The following LNX2 variants were observed in gnomAD, a reference collection of about 807,000 sequenced individuals.
LNX2 encodes ligand of numb-protein X 2.
Under a neutral mutation model 66.2 loss-of-function variants are expected in LNX2, and 35 were observed. The observed-to-expected ratio is 0.53, with a 90% CI of 0.40 to 0.70. The LOEUF (loss-of-function observed/expected upper bound fraction) is 0.70, where lower values mean the gene tolerates loss of function less well. Ranked by LOEUF, LNX2 falls within the 30% of genes least tolerant of loss-of-function variation. The probability of loss-of-function intolerance (pLI) is 0.00; values close to 1 mark genes in which losing one functional copy is unlikely to be tolerated. For missense variants in LNX2, 791 were observed against 850.8 expected (o/e 0.93, Z 0.87); for synonymous variants, 337 against 315.6 (o/e 1.07, Z -0.72).
Position 27,562,277 on chromosome 13 carries a change from A to G in LNX2, c.1224+136T>C, listed in dbSNP as rs890922622. The G allele has an allele frequency of 1.3e-4, 137 of 1,076,996 alleles. 1 individual carries two copies. The South Asian group carries it at 1.9e-3, about 15-fold the overall frequency. The allele number at this position is 1,076,996 out of a possible 1,614,324, so 66.7% of individuals were successfully genotyped here. On this transcript the variant is annotated intron_variant, in intron 5 of 9. Transcript: ENST00000316334. ...GTTATACTAGTGTGGATTTTAAAGA[A>G]TTCAGGTAGCCACACCCGATTTTCT...
chr13:27,567,601 CA>C, intron 4 of LNX2, 38 bp downstream of exon 4: 1 of 1,574,520 alleles, frequency 6.4e-7, no homozygotes, highest in Admixed American at 1.7e-5. Flanking sequence ...AAGAATGGAA[CA>C]AAAAGGCACA....
chr13:27,581,625 C>A lies in LNX2; in HGVS notation c.79G>T (p.Gly27Cys). ...SSLNPLCFEC[G>C]QQHWTRENHL... Reference sequence around the variant, plus strand: ...TTTTCTCTTGTCCAGTGCTGTTGGCCACATTCAAAACACAGGGGGTTTAGA... The same window carrying A: ...TTTTCTCTTGTCCAGTGCTGTTGGCAACATTCAAAACACAGGGGGTTTAGA... Residue 27 changes from glycine to cysteine, a missense_variant, in exon 2 of 10, where the codon GGC becomes TGC. Gly to Cys is a radical substitution (Grantham distance 159). Transcript: ENST00000316334. The A allele has an allele frequency of 6.2e-7, 1 of 1,614,098 alleles. No homozygotes were observed. Among genetic ancestry groups the A allele is most frequent in the East Asian group, 2.2e-5 (1 of 44,880 alleles).
intron 2 of LNX2, among the ~76,000 whole-genome samples, chr13:27,571,095 A>ACT (rs1377146827): frequency 6.6e-6 from 1 of 152,224 alleles, no homozygotes; most frequent in Non-Finnish European, 1.5e-5. Context: ...AAATTATTTC[A>ACT]CTCAGCATTA....
At chr13:27,588,183 G>A (rs1193564068) in intron 1 of LNX2, among the ~76,000 whole-genome samples, 2 of 152,092 alleles carry the variant, frequency 1.3e-5, no homozygotes, top group Admixed American at 6.6e-5. Flanking sequence ...TCCCAGAGAG[G>A]TGAAAACTTA....
At chr13:27,563,012 C>T (rs1216900319) in intron 4 of LNX2, among the ~76,000 whole-genome samples, 1 of 152,124 alleles carries the variant, frequency 6.6e-6, no homozygotes, top group Non-Finnish European at 1.5e-5. Context: ...TAGCTAGGAT[C>T]ACGGGCTTTA....
chr13:27,554,619 T>C (rs573872744), intron 7 of LNX2, among the ~76,000 whole-genome samples: 169 of 152,358 alleles, frequency 1.1e-3, no homozygotes, highest in African/African-American at 4.0e-3. Context: ...CCACATTCCA[T>C]TGATCCATTC....
In LNX2 at chr13:27,546,072, A is replaced by G. The variant is rs752776283; in HGVS notation, c.*2263T>C. 2 of 152,248 alleles carry G rather than the reference A, an allele frequency of 1.3e-5. No homozygotes were observed. Among genetic ancestry groups the G allele is most frequent in the Admixed American group, 6.5e-5 (1 of 15,280 alleles). The allele number at this position is 152,248 out of a possible 1,614,324, so 9.4% of individuals were successfully genotyped here. A position where few individuals can be genotyped will look rare whatever the true frequency, so the allele number is the denominator to read the frequency against. ...AAAATCCAAATAGTTCTATAGTAAC[A>G]ATAAATTATGAACAAGTTTCCGTCA... is the stretch of plus-strand genomic sequence containing the variant. On this transcript the variant is annotated 3_prime_UTR_variant, in exon 10 of 10. Transcript: ENST00000316334.
chr13:27,594,827 G>GT (rs1955580007), intron 1 of LNX2, among the ~76,000 whole-genome samples: 1 of 152,076 alleles, frequency 6.6e-6, no homozygotes, highest in Admixed American at 6.6e-5. Context: ...CCTCCAGAAT[G>GT]TGGCCTCCCC....
intron 1 of LNX2, among the ~76,000 whole-genome samples, chr13:27,591,471 G>A (rs1448718171): frequency 6.6e-6 from 1 of 152,210 alleles, no homozygotes; most frequent in Admixed American, 6.5e-5. Context: ...GGTTTCACAT[G>A]TTAAGTTGCT....
intron 4 of LNX2, among the ~76,000 whole-genome samples, chr13:27,565,349 C>T (rs1027480444): frequency 6.6e-6 from 1 of 152,106 alleles, no homozygotes; most frequent in African/African-American, 2.4e-5. Flanking sequence ...AATAAGTGTA[C>T]ACTTACATTT....
intron 1 of LNX2, among the ~76,000 whole-genome samples, chr13:27,601,267 A>C (rs1004668653): frequency 1.3e-5 from 2 of 152,206 alleles, no homozygotes; most frequent in Non-Finnish European, 2.9e-5. Context: ...GGTCCATCTA[A>C]TTCCAAAGTC....
chr13:27,573,854 T>A (rs1486930904), intron 2 of LNX2, among the ~76,000 whole-genome samples: 1 of 151,510 alleles, frequency 6.6e-6, no homozygotes, highest in Admixed American at 6.6e-5. Context: ...CACATTATAT[T>A]ATTTAAAATG....
intron 2 of LNX2, among the ~76,000 whole-genome samples, chr13:27,579,021 T>G (rs188527905): frequency 6.6e-6 from 1 of 152,284 alleles, no homozygotes; most frequent in Admixed American, 6.5e-5. Context: ...TTTGGGCAAA[T>G]AAACTGAAAG....
In LNX2 at chr13:27,583,257, C is replaced by G. The variant is rs60116991; in HGVS notation, c.-100-1454G>C. On this transcript the variant is annotated intron_variant, in intron 1 of 9. Coordinates refer to ENST00000316334, the MANE Select transcript of LNX2 (RefSeq NM_153371.4). ...GTGTGTGTGTGTGTGTGTGTGTGTG[C>G]GCGCGTCCTCTCCAACATACTTATT... Among the ~76,000 whole-genome samples the G allele has an allele frequency of 2.2e-4, 6 of 26,700 alleles. 1 individual carries two copies. Among genetic ancestry groups the G allele is most frequent in the African/African-American group, 1.8e-3 (5 of 2,766 alleles). The allele number at this position is 26,700 out of a possible 152,430, so 17.5% of individuals were successfully genotyped here. A position where few individuals can be genotyped will look rare whatever the true frequency, so the allele number is the denominator to read the frequency against.
At chr13:27,562,976 A>G (rs1955156228) in intron 4 of LNX2, among the ~76,000 whole-genome samples, 195 bp from the exon 5 acceptor site, 1 of 152,188 alleles carries the variant, frequency 6.6e-6, no homozygotes, top group Admixed American at 6.5e-5. Context: ...ATTAACTTAC[A>G]GTGACTAGCA....
chr13:27,568,306 T>G (rs1331026320), intron 3 of LNX2, among the ~76,000 whole-genome samples: 11 of 152,124 alleles, frequency 7.2e-5, no homozygotes, highest in African/African-American at 2.7e-4. Flanking sequence ...GGCGCATAGT[T>G]GCGGCAAGGA....
At chr13:27,561,191 C>A (rs1005336253) in intron 5 of LNX2, among the ~76,000 whole-genome samples, 1 of 152,162 alleles carries the variant, frequency 6.6e-6, no homozygotes, top group African/African-American at 2.4e-5. Flanking sequence ...GTATTTTTCA[C>A]ATTTTGGTTA....
chr13:27,615,986 G>A (rs1007022251), intron 1 of LNX2, among the ~76,000 whole-genome samples: 14 of 152,220 alleles, frequency 9.2e-5, no homozygotes, highest in African/African-American at 3.1e-4. Context: ...GAGATTTATC[G>A]TGAGCCAAAT....
In LNX2 at chr13:27,581,818, C is replaced by A; in HGVS notation, c.-100-15G>T. 4 of 740,150 alleles carry A rather than the reference C, an allele frequency of 5.4e-6. No individual in the cohort carries two copies. The highest frequency in any genetic ancestry group is 8.6e-6 in the Non-Finnish European group (4 of 466,326). 45.8% of individuals were successfully genotyped at this position (740,150 alleles called of 1,614,324 possible). ...GGTGTGTTTTTCTAGATAAGCAAAA[C>A]AAACACATTAAAAAAGGTAATTAAT... On this transcript the variant is annotated splice_polypyrimidine_tract_variant and intron_variant, in intron 1 of 9. Coordinates refer to ENST00000316334, the MANE Select transcript of LNX2 (RefSeq NM_153371.4).
Sources: allele counts gnomAD v4.1 joint callset (sites outside exome capture counted in the v4.1 genomes callset), GRCh38; gene constraint gnomAD v4.1.1; transcripts MANE v1.5; gene names NCBI Gene and HGNC (gene_info 2026-07-23, HGNC 2026-07-21).